Variants in GPR15LG observed in about 807,000 individuals in gnomAD.
GPR15LG encodes protein GPR15LG.
At chr10:84,182,029 C>T in the GPR15LG span, among the ~76,000 whole-genome samples, 21 of 152,310 alleles carry the variant, frequency 1.4e-4, no homozygotes, top group African/African-American at 5.1e-4. Context: ...TTTTGAAACC[C>T]AGCAAAATGG....
the GPR15LG span, among the ~76,000 whole-genome samples, chr10:84,175,354 C>T: frequency 5.3e-5 from 8 of 152,180 alleles, no homozygotes; most frequent in African/African-American, 1.7e-4. Context: ...AGGATAGATA[C>T]CTTCCCCCAT....
At chr10:84,173,830 C>T in the GPR15LG span, 132 of 1,577,128 alleles carry the variant, frequency 8.4e-5, no homozygotes, top group East Asian at 2.2e-4. Flanking sequence ...CTTCCCAGGA[C>T]GTGAAAATCT....
At chr10:84,182,548 T>C in the GPR15LG span, among the ~76,000 whole-genome samples, 1 of 152,230 alleles carries the variant, frequency 6.6e-6, no homozygotes, top group African/African-American at 2.4e-5. Context: ...CTCCTCCATG[T>C]GGTCTTTCAT....
the GPR15LG span, among the ~76,000 whole-genome samples, chr10:84,178,101 AAC>A: frequency 3.3e-5 from 5 of 151,804 alleles, no homozygotes; most frequent in Non-Finnish European, 5.9e-5. Flanking sequence ...TACACACAGA[AAC>A]ACAGCATATA....
At chr10:84,174,061 TC>T in the GPR15LG span, 1 of 688,708 alleles carries the variant, frequency 1.5e-6, no homozygotes, top group Non-Finnish European at 2.5e-6. Context: ...GGGCTCTTTC[TC>T]CTGAACCTAT....
chr10:84,176,349 G>A, the GPR15LG span: 539 of 721,840 alleles, frequency 7.5e-4, 3 homozygotes, highest in East Asian at 0.013. Context: ...CTTTCCCTAG[G>A]ACCTCTCGTA....
chr10:84,184,006 C>CT, the GPR15LG span, among the ~76,000 whole-genome samples: 1 of 151,646 alleles, frequency 6.6e-6, no homozygotes. Flanking sequence ...TTTCCAGACA[C>CT]TTTTTTTTCT....
At chr10:84,178,192 G>A in the GPR15LG span, among the ~76,000 whole-genome samples, 1 of 149,320 alleles carries the variant, frequency 6.7e-6, no homozygotes, top group Non-Finnish European at 1.5e-5. Flanking sequence ...TACACACACA[G>A]ACACATACTA....
the GPR15LG span, chr10:84,185,292 A>G: frequency 6.0e-5 from 10 of 167,316 alleles, no homozygotes; most frequent in African/African-American, 2.4e-4. Flanking sequence ...CAATGCAGAC[A>G]CATCCTTGTT....
chr10:84,184,768 A>C, the GPR15LG span: 4 of 1,613,238 alleles, frequency 2.5e-6, no homozygotes, highest in Non-Finnish European at 3.4e-6. Context: ...CAGGTGTAGC[A>C]CTCCCAAAGC....
chr10:84,180,070 G>C, the GPR15LG span, among the ~76,000 whole-genome samples: 1 of 152,170 alleles, frequency 6.6e-6, no homozygotes, highest in Non-Finnish European at 1.5e-5. Context: ...AGATTAGGGA[G>C]TGGTGATGAC....
the GPR15LG span, among the ~76,000 whole-genome samples, chr10:84,182,415 T>C: frequency 6.6e-6 from 1 of 152,368 alleles, no homozygotes; most frequent in Admixed American, 6.5e-5. Context: ...GGATATTTCT[T>C]CTAGTCTTGG....
At chr10:84,181,240 ATT>A in the GPR15LG span, among the ~76,000 whole-genome samples, 60 of 117,956 alleles carry the variant, frequency 5.1e-4, 1 homozygote, top group South Asian at 1.1e-3. Flanking sequence ...AAAAAATTAA[ATT>A]TTTTTTTTTT....
chr10:84,179,484 C>A, the GPR15LG span, among the ~76,000 whole-genome samples: 1 of 152,212 alleles, frequency 6.6e-6, no homozygotes, highest in Non-Finnish European at 1.5e-5. Context: ...GGAGATGAAT[C>A]AGTGTTCCCA....
At chr10:84,177,795 TC>T in the GPR15LG span, among the ~76,000 whole-genome samples, 1 of 152,302 alleles carries the variant, frequency 6.6e-6, no homozygotes, top group East Asian at 1.9e-4. Context: ...GGCCCCTGGT[TC>T]TGTGAAAGAA....
the GPR15LG span, chr10:84,184,838 T>C: frequency 1.3e-6 from 2 of 1,593,920 alleles, no homozygotes; most frequent in Non-Finnish European, 1.7e-6. Flanking sequence ...CAGCCTCCTG[T>C]CTCCCCTTTC....
the GPR15LG span, chr10:84,185,032 C>G: frequency 7.7e-7 from 1 of 1,295,660 alleles, no homozygotes; most frequent in South Asian, 1.7e-5. Context: ...TGCAAACCAC[C>G]GAGCATTCCA....
At chr10:84,176,446 AAG>A in the GPR15LG span, 3 of 1,500,282 alleles carry the variant, frequency 2.0e-6, no homozygotes, top group South Asian at 2.3e-5. Context: ...AAGCCCACTA[AAG>A]ACAGTCTCTC....
chr10:84,181,003 G>A, the GPR15LG span, among the ~76,000 whole-genome samples: 1 of 152,292 alleles, frequency 6.6e-6, no homozygotes, highest in South Asian at 2.1e-4. Flanking sequence ...GGAGAATCAG[G>A]CAGGGAGGTT....
Sources: allele counts gnomAD v4.1 joint callset (sites outside exome capture counted in the v4.1 genomes callset), GRCh38; gene constraint gnomAD v4.1.1; transcripts MANE v1.5; gene names NCBI Gene and HGNC (gene_info 2026-07-23, HGNC 2026-07-21).